PCDH15: variants seen among roughly 807,000 people sequenced by gnomAD.
PCDH15 encodes the protein protocadherin related 15, also known as protocadherin-15.
A neutral mutation model predicts 178.5 loss-of-function variants in PCDH15; 129 were observed. The observed-to-expected ratio is 0.72, with a 90% CI of 0.63 to 0.84. PCDH15 has a LOEUF of 0.84. Ranked by LOEUF, PCDH15 falls within the 40% of genes least tolerant of loss-of-function variation. The pLI is 0.00. For missense variants in PCDH15, 2,230 were observed against 2,099.9 expected (o/e 1.06, Z -1.21); for synonymous variants, 800 against 732.0 (o/e 1.09, Z -1.50).
chr10:54,191,184 T>C (rs959402530), intron 11 of PCDH15, among the ~76,000 whole-genome samples: 4 of 152,178 alleles, frequency 2.6e-5, no homozygotes, highest in Non-Finnish European at 4.4e-5. Context: ...TTCTTCAGCA[T>C]ACAAAAGTTG....
chr10:54,346,618 T>C lies in PCDH15; in HGVS notation c.475-134A>G, dbSNP rs995448383. 3.0e-5 allele frequency: 30 copies of C among 1,006,366 alleles called. No individual in the cohort carries two copies. The Admixed American group carries it at 5.5e-4, about 18-fold the overall frequency. The allele number at this position is 1,006,366 out of a possible 1,614,324, so 62.3% of individuals were successfully genotyped here. The stretch of plus-strand genomic sequence containing the variant: ...GGCAGCCCACAACCACAAACTGAAG[T>C]GTTTCAAAAGAACAGTTTTGAGCCT... On this transcript the variant is annotated intron_variant, in intron 5 of 37. Transcript: ENST00000644397.
At chr10:55,328,815 T>C (rs936858859) in intron 2 of PCDH15, among the ~76,000 whole-genome samples, 1 of 150,286 alleles carries the variant, frequency 6.7e-6, no homozygotes, top group Non-Finnish European at 1.5e-5. Context: ...ATAGATTATA[T>C]GTAATATTAT....
At chr10:54,690,424 C>G (rs1473946895) in intron 1 of PCDH15, among the ~76,000 whole-genome samples, 1 of 149,908 alleles carries the variant, frequency 6.7e-6, no homozygotes, top group African/African-American at 2.5e-5. Flanking sequence ...AAGTGATTCT[C>G]CTGCCTCAGT....
rs1281025591 is a variant in PCDH15, at chr10:53,805,303, A to G, written c.*1276T>C. ...TCTATATCATACTAAGTAATATTCAATAGAATTCTGAATTCTCTTAATCTA... is the reference window on the plus strand; with the variant it reads ...TCTATATCATACTAAGTAATATTCAGTAGAATTCTGAATTCTCTTAATCTA... On this transcript the variant is annotated 3_prime_UTR_variant, in exon 38 of 38. Coordinates refer to ENST00000644397, the MANE Select transcript of PCDH15 (RefSeq NM_001384140.1). The G allele has an allele frequency of 6.6e-6, 1 of 152,058 alleles. No individual in the cohort carries two copies. Among genetic ancestry groups the G allele is most frequent in the Non-Finnish European group, 1.5e-5 (1 of 67,972 alleles). 9.4% of individuals were successfully genotyped at this position (152,058 alleles called of 1,614,324 possible).
At chr10:54,475,580 A>T (rs1565370259) in intron 3 of PCDH15, among the ~76,000 whole-genome samples, 1 of 151,992 alleles carries the variant, frequency 6.6e-6, no homozygotes, top group East Asian at 1.9e-4. Context: ...CAGCAATTAT[A>T]ATCATATTAT....
intron 2 of PCDH15, among the ~76,000 whole-genome samples, chr10:55,464,640 ATATATATATATATATG>A (rs775475886): frequency 0.083 from 5,981 of 71,914 alleles, 401 homozygotes; most frequent in African/African-American, 0.36. Flanking sequence ...ATATATATAT[ATATATATATATATATG>A]TGTGTGTGTG....
intron 6 of PCDH15, among the ~76,000 whole-genome samples, chr10:54,340,518 G>A (rs758187693): frequency 2.6e-5 from 4 of 152,112 alleles, no homozygotes; most frequent in Admixed American, 6.6e-5. Context: ...GCAGCAACTC[G>A]GTCCTAACCT....
chr10:54,816,215 CTATA>C (rs142987902), intron 3 of PCDH15, among the ~76,000 whole-genome samples: 1,572 of 152,118 alleles, frequency 0.01, 29 homozygotes, highest in African/African-American at 0.036. Flanking sequence ...GAGATGTTGA[CTATA>C]TATTTATGTA....
intron 2 of PCDH15, among the ~76,000 whole-genome samples, chr10:55,157,781 T>A (rs111898022): frequency 0.02 from 2,913 of 149,276 alleles, 96 homozygotes; most frequent in African/African-American, 0.066. Context: ...CAGGAAGGGG[T>A]ACATCACACA....
chr10:55,462,025 G>A (rs1320993961), intron 2 of PCDH15, among the ~76,000 whole-genome samples: 3 of 151,990 alleles, frequency 2.0e-5, no homozygotes, highest in African/African-American at 7.2e-5. Flanking sequence ...AAAGAGTCGT[G>A]GTTTTGTGGG....
intron 3 of PCDH15, among the ~76,000 whole-genome samples, chr10:54,462,004 A>C (rs947824347): frequency 2.6e-5 from 4 of 152,050 alleles, no homozygotes; most frequent in Non-Finnish European, 5.9e-5. Context: ...TTTTATTATA[A>C]ATTAGATTGC....
chr10:54,236,683 T>G lies in PCDH15; in HGVS notation c.985+140A>C. On this transcript the variant is annotated intron_variant, in intron 9 of 37. Transcript: ENST00000644397. ...AGCAAATATCTTGAATTATTATTTT[T>G]AAAATGTGTTTATACACAAAAGTAA... 4 of 746,168 alleles carry G rather than the reference T, an allele frequency of 5.4e-6. No individual in the cohort carries two copies. The South Asian group carries it at 6.5e-5, about 12-fold the overall frequency. The allele number at this position is 746,168 out of a possible 1,614,324, so 46.2% of individuals were successfully genotyped here. A position where few individuals can be genotyped will look rare whatever the true frequency, so the allele number is the denominator to read the frequency against.
At chr10:54,728,287 C>G (rs1336020185) in intron 1 of PCDH15, among the ~76,000 whole-genome samples, 3 of 151,360 alleles carry the variant, frequency 2.0e-5, no homozygotes, top group Admixed American at 6.6e-5. Flanking sequence ...ATTTGCAACA[C>G]AATAAAATGA....
rs1463920111 is a variant in PCDH15 at position 53,995,708 on chromosome 10, G to T, written c.2809C>A (p.Pro937Thr). The T allele has an allele frequency of 6.2e-7, 1 of 1,613,852 alleles. No individual in the cohort carries two copies. Among genetic ancestry groups the T allele is most frequent in the South Asian group, 1.1e-5 (1 of 91,070 alleles). ...SKRIYKGMVA[P>T]DAVKGTPITT... Reference sequence around the variant, plus strand: ...ATAGGTGTACCCTTGACTGCATCCGGAGCCACCATCCCTTTGTATATTCGT... The same window carrying T: ...ATAGGTGTACCCTTGACTGCATCCGTAGCCACCATCCCTTTGTATATTCGT... The change falls in exon 21 of 38, where the codon CCG (proline) becomes ACG (threonine). Residue 937 changes from proline (P) to threonine (T), a missense_variant. By Grantham distance (38) the Pro-to-Thr change is conservative. Transcript: ENST00000644397.
At chr10:54,044,551 T>C (rs1387897900) in intron 18 of PCDH15, among the ~76,000 whole-genome samples, 2 of 152,080 alleles carry the variant, frequency 1.3e-5, no homozygotes, top group Non-Finnish European at 2.9e-5. Flanking sequence ...TTCCTTAGTG[T>C]CAATGTGAGT....
At chr10:54,204,782 C>A (rs566834179) in intron 10 of PCDH15, among the ~76,000 whole-genome samples, 3 of 152,164 alleles carry the variant, frequency 2.0e-5, no homozygotes, top group African/African-American at 7.2e-5. Flanking sequence ...TAAAGATGCT[C>A]CCCTCTTCAA....
chr10:54,733,562 T>A (rs1189842509), intron 1 of PCDH15, among the ~76,000 whole-genome samples: 1 of 151,648 alleles, frequency 6.6e-6, no homozygotes, highest in African/African-American at 2.4e-5. Context: ...ACATTTCCAA[T>A]TGAATTCTTA....
intron 2 of PCDH15, among the ~76,000 whole-genome samples, chr10:55,379,166 T>G (rs1044461901): frequency 2.6e-5 from 4 of 151,790 alleles, no homozygotes; most frequent in African/African-American, 9.7e-5. Flanking sequence ...AAACAAATCT[T>G]TGTTAAGAGC....
At chr10:54,416,378 TG>T (rs972244050) in intron 3 of PCDH15, among the ~76,000 whole-genome samples, 3 of 151,964 alleles carry the variant, frequency 2.0e-5, no homozygotes, top group African/African-American at 4.8e-5. Flanking sequence ...ATGCAGTGTT[TG>T]GTTTTCTGTT....
Sources: gnomAD v4.1 joint callset for allele counts (sites outside exome capture counted in the v4.1 genomes callset) on GRCh38, gnomAD v4.1.1 for gene constraint, MANE v1.5 for transcripts, NCBI Gene and HGNC (gene_info 2026-07-23, HGNC 2026-07-21) for gene names.